PRICKLE2: variants seen among roughly 807,000 people sequenced by gnomAD.
PRICKLE2 encodes the protein prickle planar cell polarity protein 2.
Under a neutral mutation model 81.4 loss-of-function variants are expected in PRICKLE2, and 21 were observed. That is an observed-to-expected ratio of 0.26 (90% confidence interval 0.18 to 0.37). The LOEUF is 0.37. Ranked by LOEUF, PRICKLE2 falls within the 10% of genes least tolerant of loss-of-function variation. The probability of loss-of-function intolerance (pLI) is 1.00; values close to 1 mark genes in which losing one functional copy is unlikely to be tolerated. For missense variants in PRICKLE2, 940 were observed against 1,109.0 expected, an observed-to-expected ratio of 0.85 and a Z score of 2.16; for synonymous variants, 456 against 421.5, an observed-to-expected ratio of 1.08 and a Z score of -1.00.
rs2077465983 is a variant in PRICKLE2 at position 64,146,969 on chromosome 3, C to T, written c.1521G>A (p.Glu507=). ...SIQVPKYEEE[E]EEEGGLSTQQ... is the part of the protein sequence containing the mutation. ...GAGTGGACAAGCCCCCTTCCTCTTCCTCTTCCTCCTCATATTTGGGGACTT... is the reference window on the plus strand; with the variant it reads ...GAGTGGACAAGCCCCCTTCCTCTTCTTCTTCCTCCTCATATTTGGGGACTT... The change falls in exon 7 of 8, where the codon GAG becomes GAA. Residue 507 remains glutamate (E), a synonymous_variant. Transcript: ENST00000638394. 1 of 1,614,158 alleles carries T rather than the reference C, an allele frequency of 6.2e-7. No homozygotes were observed. The highest frequency in any genetic ancestry group is 1.3e-5 in the African/African-American group (1 of 75,030).
At chr3:64,138,308 A>G (rs2077307949) in intron 7 of PRICKLE2, among the ~76,000 whole-genome samples, 1 of 152,248 alleles carries the variant, frequency 6.6e-6, no homozygotes, top group Non-Finnish European at 1.5e-5. Context: ...TACCAGAGCT[A>G]TCATTCTCCT....
At chr3:64,250,371 C>T (rs1198635255) in intron 2 of PRICKLE2, among the ~76,000 whole-genome samples, 1 of 152,190 alleles carries the variant, frequency 6.6e-6, no homozygotes, top group Non-Finnish European at 1.5e-5. Context: ...TGTCTCCAGA[C>T]ATTACCAAAT....
At chr3:64,231,446 C>T (rs780075619) in intron 2 of PRICKLE2, among the ~76,000 whole-genome samples, 1 of 152,114 alleles carries the variant, frequency 6.6e-6, no homozygotes, top group Non-Finnish European at 1.5e-5. Context: ...CAGCTGAAAC[C>T]TGAATTTTCT....
chr3:64,128,480 G>C (rs143571493), intron 7 of PRICKLE2, among the ~76,000 whole-genome samples: 1 of 152,126 alleles, frequency 6.6e-6, no homozygotes, highest in African/African-American at 2.4e-5. Context: ...AGGTGCGGTG[G>C]CCAACGCCTG....
At chr3:64,265,514 G>T (rs577740032) in intron 2 of PRICKLE2, among the ~76,000 whole-genome samples, 1 of 152,282 alleles carries the variant, frequency 6.6e-6, no homozygotes, top group Admixed American at 6.5e-5. Flanking sequence ...AAAACAGCCT[G>T]GGGAGCACAG....
intron 2 of PRICKLE2, among the ~76,000 whole-genome samples, chr3:64,254,314 A>G (rs182307323): frequency 7.9e-5 from 12 of 152,342 alleles, no homozygotes; most frequent in Non-Finnish European, 2.9e-5. Flanking sequence ...CAGTGGAAAG[A>G]GGAAGCAACA....
chr3:64,256,879 G>T (rs1180058347), intron 2 of PRICKLE2, among the ~76,000 whole-genome samples: 2 of 152,084 alleles, frequency 1.3e-5, no homozygotes, highest in East Asian at 3.9e-4. Context: ...CATTTTTAAG[G>T]CCACCTAACA....
chr3:64,153,011 C>T (rs2077571512), intron 6 of PRICKLE2, among the ~76,000 whole-genome samples, 171 bp downstream of exon 6: 1 of 152,168 alleles, frequency 6.6e-6, no homozygotes, highest in Non-Finnish European at 1.5e-5. Flanking sequence ...CTATCTGAAG[C>T]TAGTATACTT....
rs557553052 is a variant in PRICKLE2, at chr3:64,108,140, G to A, written c.1661-8215C>T. On this transcript the variant is annotated intron_variant, in intron 7 of 7. Coordinates refer to ENST00000638394, the MANE Select transcript of PRICKLE2 (RefSeq NM_198859.4). ...GATTGCTTTCCAGATTTGGGGAGTT[G>A]TGACAGACTGTATGACCTGCAAAGC... 3.9e-5 allele frequency among the ~76,000 whole-genome samples: 6 copies of A among 152,294 alleles called. No homozygotes were observed. The South Asian group carries it at 1.0e-3, about 26-fold the overall frequency.
intron 1 of PRICKLE2, among the ~76,000 whole-genome samples, chr3:64,203,964 C>A (rs1283730984): frequency 1.3e-5 from 2 of 151,842 alleles, no homozygotes; most frequent in Non-Finnish European, 2.9e-5. Context: ...GGTGACAGAG[C>A]GAGATGCTGT....
chr3:64,173,178 G>C (rs536716699), intron 2 of PRICKLE2, among the ~76,000 whole-genome samples: 193 of 152,250 alleles, frequency 1.3e-3, no homozygotes, highest in Non-Finnish European at 2.2e-3. Context: ...AGCCATAATA[G>C]GTAGACAAAA....
At position 64,146,876 on chromosome 3, in the gene PRICKLE2, C is replaced by A; in HGVS notation, c.1614G>T (p.Gln538His). 6.2e-7 allele frequency: 1 copy of A among 1,614,180 alleles called. No homozygotes were observed. The highest frequency in any genetic ancestry group is 8.5e-7 in the Non-Finnish European group (1 of 1,180,034). ...GGGATTCCATGGAGCCCCGAGGGGT[C>A]TGCTCTGTGGGCGTCATGTCCTCTG... ...KYTEDMTPTE[Q>H]TPRGSMESLA... The change falls in exon 7 of 8, where the codon CAG becomes CAT. Residue 538 changes from glutamine to histidine, a missense_variant. This residue lies in a region of PRICKLE2 where 670 missense variants were observed against 717.2 expected (regional missense o/e 0.93). Coordinates refer to ENST00000638394, the MANE Select transcript of PRICKLE2 (RefSeq NM_198859.4).
chr3:64,156,992 C>T (rs771304637), intron 5 of PRICKLE2, among the ~76,000 whole-genome samples, 170 bp downstream of exon 5: 2 of 152,180 alleles, frequency 1.3e-5, no homozygotes, highest in Non-Finnish European at 2.9e-5. Flanking sequence ...GCCGCAACCC[C>T]AGACATTCTA....
At chr3:64,223,412 T>C (rs1188483315) in intron 1 of PRICKLE2, among the ~76,000 whole-genome samples, 1 of 152,190 alleles carries the variant, frequency 6.6e-6, no homozygotes, top group Non-Finnish European at 1.5e-5. Flanking sequence ...TGGATAAATA[T>C]CATCTCATAC....
At chr3:64,249,323 A>AG (rs1174284243) in intron 2 of PRICKLE2, among the ~76,000 whole-genome samples, 2 of 152,176 alleles carry the variant, frequency 1.3e-5, no homozygotes, top group Non-Finnish European at 1.5e-5. Flanking sequence ...AAGAAGAGCA[A>AG]GGGGGAAATC....
Position 64,261,739 on chromosome 3 carries a change from G to A in PRICKLE2, c.129-62772C>T, listed in dbSNP as rs552146787. Among the ~76,000 whole-genome samples the A allele has an allele frequency of 3.3e-5, 5 of 152,248 alleles. 1 individual carries two copies. The South Asian group carries it at 1.0e-3, about 32-fold the overall frequency. On this transcript the variant is annotated intron_variant, in intron 2 of 8. Transcript: ENST00000295902. ...GGGCTGGCCTGTGACTGAAGCACGGGTGCCAGTAGCCAGGTAGGAAGATGC... is the reference window on the plus strand; with the variant it reads ...GGGCTGGCCTGTGACTGAAGCACGGATGCCAGTAGCCAGGTAGGAAGATGC...
intron 2 of PRICKLE2, among the ~76,000 whole-genome samples, chr3:64,261,072 G>C (rs184794544): frequency 6.6e-6 from 1 of 152,264 alleles, no homozygotes; most frequent in Admixed American, 6.5e-5. Flanking sequence ...CTTGTACAGA[G>C]TGCTGAAATA....
At chr3:64,111,213 G>T (rs140160906) in intron 7 of PRICKLE2, among the ~76,000 whole-genome samples, 1 of 152,176 alleles carries the variant, frequency 6.6e-6, no homozygotes, top group Non-Finnish European at 1.5e-5. Flanking sequence ...AAAGTACTTA[G>T]AACAGTGCTG....
intron 7 of PRICKLE2, among the ~76,000 whole-genome samples, chr3:64,118,919 T>A (rs1360108242): frequency 2.0e-5 from 3 of 152,014 alleles, no homozygotes; most frequent in African/African-American, 7.2e-5. Flanking sequence ...AAGATGCAGG[T>A]GTTTATGTCT....
Sources: gnomAD v4.1 joint callset for allele counts (sites outside exome capture counted in the v4.1 genomes callset) on GRCh38, gnomAD v4.1.1 for gene constraint, gnomAD v4.1.1 regional missense constraint, MANE v1.5 for transcripts, NCBI Gene and HGNC (gene_info 2026-07-23, HGNC 2026-07-21) for gene names.